The following PTPRN2 variants were observed in gnomAD, a reference collection of about 807,000 sequenced individuals.
PTPRN2 encodes receptor-type tyrosine-protein phosphatase N2.
PTPRN2 carries 74 observed loss-of-function variants against 118.8 expected under a neutral mutation model. That is an observed-to-expected ratio of 0.62 (90% CI 0.52 to 0.76). PTPRN2 has a LOEUF of 0.76. PTPRN2 is among the 30% of genes least tolerant of loss of function. The probability of loss-of-function intolerance (pLI) is 0.00; values close to 1 mark genes in which losing one functional copy is unlikely to be tolerated. For synonymous variants in PTPRN2, 641 were observed against 608.0 expected (o/e 1.05, Z -0.80); for missense variants, 1,481 against 1,394.4 (o/e 1.06, Z -0.99).
chr7:157,566,389 C>T (rs984322504), intron 21 of PTPRN2, among the ~76,000 whole-genome samples: 4 of 152,248 alleles, frequency 2.6e-5, no homozygotes, highest in African/African-American at 4.8e-5. Flanking sequence ...CCCCGCCACA[C>T]GGGCAGGGCC....
chr7:157,948,256 A>T (rs1299021566), intron 11 of PTPRN2, among the ~76,000 whole-genome samples: 1 of 152,244 alleles, frequency 6.6e-6, no homozygotes, highest in Non-Finnish European at 1.5e-5. Flanking sequence ...TTATAAATCT[A>T]TGTTAACAGC....
chr7:158,333,118 C>T (rs375274105), intron 2 of PTPRN2, among the ~76,000 whole-genome samples: 11 of 116,258 alleles, frequency 9.5e-5, no homozygotes, highest in African/African-American at 3.3e-4. Context: ...AGAAGTGACA[C>T]CTGCAGACAT....
At chr7:158,335,926 A>C (rs188848644) in intron 2 of PTPRN2, among the ~76,000 whole-genome samples, 1 of 5,210 alleles carries the variant, frequency 1.9e-4, no homozygotes, top group Non-Finnish European at 3.6e-4. Flanking sequence ...CACCCACACT[A>C]TCACCATAAG....
rs557716796 is a variant in PTPRN2 at position 158,279,612 on chromosome 7, G to A, written c.277+37207C>T. 9.8e-5 allele frequency among the ~76,000 whole-genome samples: 15 copies of A among 152,330 alleles called. No homozygotes were observed. In the East Asian group the frequency reaches 2.5e-3, roughly 25 times the overall value. The stretch of plus-strand genomic sequence containing the variant: ...CCTCCAATCAAGCCCAGCAGGTGCC[G>A]GCCAGTCCCACGGAGTGCCAGGCCC... On this transcript the variant is annotated intron_variant, in intron 3 of 22. Transcript: ENST00000389418.
rs532128981 is a variant in PTPRN2 at position 157,848,823 on chromosome 7, G to A, written c.1788+49850C>T. Among the ~76,000 whole-genome samples the A allele has an allele frequency of 3.3e-5, 5 of 152,370 alleles. No homozygotes were observed. In the East Asian group the frequency reaches 9.6e-4, roughly 29 times the overall value. On this transcript the variant is annotated intron_variant, in intron 12 of 22. Transcript: ENST00000389418. ...CCTGCAGTGAGCCCACGGCTATAGTGGTGCAGCCAGCAGCCCCGACGCCTC... is the reference window on the plus strand; with the variant it reads ...CCTGCAGTGAGCCCACGGCTATAGTAGTGCAGCCAGCAGCCCCGACGCCTC...
intron 1 of PTPRN2, among the ~76,000 whole-genome samples, chr7:158,497,425 C>T (rs990354413): frequency 6.6e-6 from 1 of 151,662 alleles, no homozygotes; most frequent in African/African-American, 2.4e-5. Flanking sequence ...CAGCCCCAGC[C>T]CAGCGTTTTG....
chr7:157,968,558 C>T (rs55973530), intron 11 of PTPRN2, among the ~76,000 whole-genome samples: 3,016 of 152,290 alleles, frequency 0.02, 35 homozygotes, highest in Non-Finnish European at 0.031. Flanking sequence ...AAGGCTCGAA[C>T]GCTGGAGCCG....
intron 1 of PTPRN2, among the ~76,000 whole-genome samples, chr7:158,562,810 G>T (rs1039033339): frequency 1.3e-5 from 2 of 152,032 alleles, no homozygotes; most frequent in African/African-American, 4.8e-5. Context: ...CGCTCCCAGG[G>T]GCACATACCT....
At chr7:157,742,975 T>C (rs943649071) in intron 12 of PTPRN2, among the ~76,000 whole-genome samples, 1 of 152,232 alleles carries the variant, frequency 6.6e-6, no homozygotes, top group Non-Finnish European at 1.5e-5. Context: ...TGATGCATGA[T>C]CCAACCCAAT....
chr7:158,299,229 C>G lies in PTPRN2; in HGVS notation c.277+17590G>C, dbSNP rs375022216. Among the ~76,000 whole-genome samples the G allele has an allele frequency of 5.3e-5, 8 of 152,210 alleles. 1 individual carries two copies. The South Asian group carries it at 1.7e-3, about 32-fold the overall frequency. On this transcript the variant is annotated intron_variant, in intron 3 of 22. Transcript: ENST00000389418. ...TGAATAGCTTGCAGACCTGGGCTGC[C>G]CTGGGGAAACTGCCATGCAAGTCTG... is the stretch of plus-strand genomic sequence containing the variant.
intron 11 of PTPRN2, among the ~76,000 whole-genome samples, chr7:158,037,471 T>C (rs1808167567): frequency 6.6e-6 from 1 of 152,178 alleles, no homozygotes; most frequent in South Asian, 2.1e-4. Flanking sequence ...TTGTAACCAA[T>C]GGTATGTATT....
chr7:158,183,428 C>T (rs558300382), intron 5 of PTPRN2, among the ~76,000 whole-genome samples: 1 of 152,110 alleles, frequency 6.6e-6, no homozygotes. Flanking sequence ...GCTTCCCACT[C>T]CCCCCTGGGT....
At chr7:157,844,395 A>G (rs6973748) in intron 12 of PTPRN2, among the ~76,000 whole-genome samples, 116,257 of 152,202 alleles carry the variant, frequency 0.76, 44,611 homozygotes, top group East Asian at 0.96. Context: ...GGCCACTGGC[A>G]TGTGGGAGAT....
intron 14 of PTPRN2, among the ~76,000 whole-genome samples, chr7:157,644,161 G>A (rs1356805350): frequency 6.6e-6 from 1 of 152,254 alleles, no homozygotes; most frequent in Non-Finnish European, 1.5e-5. Flanking sequence ...AGATGATGGA[G>A]TTAAAATGAG....
chr7:158,023,510 G>A (rs1319096235), intron 11 of PTPRN2, among the ~76,000 whole-genome samples: 1 of 152,030 alleles, frequency 6.6e-6, no homozygotes, highest in Non-Finnish European at 1.5e-5. Context: ...TTTCAAACAC[G>A]CACATTCTGC....
intron 6 of PTPRN2, among the ~76,000 whole-genome samples, chr7:158,152,023 AAT>A (rs1188054591): frequency 1.1e-3 from 163 of 152,150 alleles, no homozygotes; most frequent in African/African-American, 3.5e-3. Context: ...AATACAAAAA[AAT>A]TAGCCGGGCG....
intron 9 of PTPRN2, among the ~76,000 whole-genome samples, chr7:158,128,308 C>T (rs1396842245): frequency 6.6e-6 from 1 of 152,202 alleles, no homozygotes; most frequent in African/African-American, 2.4e-5. Context: ...CTTGCTCAAG[C>T]AGTACAAATT....
At position 157,548,871 on chromosome 7, in the gene PTPRN2, G is replaced by A. The variant is rs898760293; in HGVS notation, c.2976+75C>T. 3.7e-5 allele frequency: 52 copies of A among 1,410,102 alleles called. No individual in the cohort carries two copies. The Admixed American group carries it at 5.4e-4, about 15-fold the overall frequency. The allele number at this position is 1,410,102 out of a possible 1,614,324, so 87.3% of individuals were successfully genotyped here. Reference sequence around the variant, plus strand: ...GCTCACATTAAACCAGGCCCTCCCCGTGCTCCTCTCAGGAACACGGCCGCA... The same window carrying A: ...GCTCACATTAAACCAGGCCCTCCCCATGCTCCTCTCAGGAACACGGCCGCA... On this transcript the variant is annotated intron_variant, in intron 22 of 22. Coordinates refer to ENST00000389418, the MANE Select transcript of PTPRN2 (RefSeq NM_002847.5).
intron 2 of PTPRN2, among the ~76,000 whole-genome samples, chr7:158,367,933 A>G (rs1337567771): frequency 1.3e-5 from 2 of 152,102 alleles, no homozygotes; most frequent in African/African-American, 4.8e-5. Flanking sequence ...TCCCACCATA[A>G]CTTAGGGCCA....
Sources: gnomAD v4.1 joint callset for allele counts (sites outside exome capture counted in the v4.1 genomes callset) on GRCh38, gnomAD v4.1.1 for gene constraint, MANE v1.5 for transcripts, NCBI Gene and HGNC (gene_info 2026-07-23, HGNC 2026-07-21) for gene names.